The following SLC9A9 variants were observed in gnomAD, a reference collection of about 807,000 sequenced individuals.
The protein encoded by SLC9A9 is solute carrier family 9 member A9, also known as sodium/hydrogen exchanger 9.
In SLC9A9, 62 loss-of-function variants were observed where a neutral mutation model predicts 77.8. That is an observed-to-expected ratio of 0.80 (90% CI 0.65 to 0.98). The LOEUF (loss-of-function observed/expected upper bound fraction) is 0.98, where lower values mean the gene tolerates loss of function less well. Ranked by LOEUF, SLC9A9 falls within the 50% of genes least tolerant of loss-of-function variation. The probability of loss-of-function intolerance (pLI) is 0.00; values close to 1 mark genes in which losing one functional copy is unlikely to be tolerated. For missense variants in SLC9A9, 775 were observed against 774.9 expected (o/e 1.00, Z 0.00); for synonymous variants, 320 against 283.5 (o/e 1.13, Z -1.29).
chr3:143,847,403 A>G (rs907470973), intron 1 of SLC9A9, among the ~76,000 whole-genome samples: 33 of 152,118 alleles, frequency 2.2e-4, no homozygotes, highest in African/African-American at 7.7e-4. Flanking sequence ...ACTTTATTAA[A>G]CTTTCTGAAA....
chr3:143,685,677 A>G (rs935518), intron 5 of SLC9A9, among the ~76,000 whole-genome samples: 147,672 of 152,272 alleles, frequency 0.97, 71,644 homozygotes, highest in East Asian at 1. Context: ...TGTCAGTTCC[A>G]TAAATACCAG....
chr3:143,745,514 T>C (rs2108820073), intron 4 of SLC9A9, among the ~76,000 whole-genome samples: 1 of 152,346 alleles, frequency 6.6e-6, no homozygotes, highest in Admixed American at 6.5e-5. Context: ...TCATCCTTCA[T>C]GAAAACTTTA....
rs563273728 is a variant in SLC9A9 at position 143,721,692 on chromosome 3, T to A, written c.534-28385A>T. Among the ~76,000 whole-genome samples, 55 of 152,186 alleles carry A rather than the reference T, an allele frequency of 3.6e-4. No homozygotes were observed. The South Asian group carries it at 0.011, about 31-fold the overall frequency. On this transcript the variant is annotated intron_variant, in intron 4 of 15. Transcript: ENST00000316549. ...AGCAGCCACGTCTTTACAGAGTCCC[T>A]CACACGAGCCTCGGGCAGAAGTGAC...
intron 11 of SLC9A9, 134 bp from the exon 12 acceptor site, chr3:143,467,324 A>G: frequency 9.6e-7 from 1 of 1,038,644 alleles, no homozygotes; most frequent in Non-Finnish European, 1.4e-6. Flanking sequence ...ATAGATTCAT[A>G]AAGAGTTGTA....
chr3:143,304,978 T>A (rs1475443194), intron 14 of SLC9A9, among the ~76,000 whole-genome samples: 1 of 152,194 alleles, frequency 6.6e-6, no homozygotes, highest in Non-Finnish European at 1.5e-5. Context: ...GAATAATAAC[T>A]CTGGAGAGTA....
At chr3:143,286,961 C>A (rs1357895316) in intron 14 of SLC9A9, among the ~76,000 whole-genome samples, 2 of 152,200 alleles carry the variant, frequency 1.3e-5, no homozygotes, top group African/African-American at 4.8e-5. Context: ...TGTGCGTCAG[C>A]AAAACTCTCC....
At chr3:143,386,468 G>A (rs1161844266) in intron 12 of SLC9A9, among the ~76,000 whole-genome samples, 1 of 152,176 alleles carries the variant, frequency 6.6e-6, no homozygotes, top group Non-Finnish European at 1.5e-5. Context: ...CACTCACTCT[G>A]TCTCCATCTT....
rs561297974 is a variant in SLC9A9 at position 143,418,381 on chromosome 3, C to T, written c.1470-36267G>A. ...ACAGTGTTGGCTCTTTTTTGCTGCC[C>T]TTCTCCCTCAAGTTCATCGCAGGTG... On this transcript the variant is annotated intron_variant, in intron 12 of 15. Coordinates refer to ENST00000316549, the MANE Select transcript of SLC9A9 (RefSeq NM_173653.4). 4.6e-5 allele frequency among the ~76,000 whole-genome samples: 7 copies of T among 151,758 alleles called. No homozygotes were observed. The East Asian group carries it at 7.8e-4, about 17-fold the overall frequency.
chr3:143,270,610 A>G (rs1937870638), intron 14 of SLC9A9, among the ~76,000 whole-genome samples: 1 of 152,148 alleles, frequency 6.6e-6, no homozygotes, highest in South Asian at 2.1e-4. Flanking sequence ...AATCCAGCCA[A>G]TTTTATTTCC....
At position 143,765,891 on chromosome 3, in the gene SLC9A9, T is replaced by C. The variant is rs1026990494; in HGVS notation, c.533+29110A>G. ...CTTAAGCAGAAGCCTAAAAAAGCCT[T>C]GTAAATTTTTGCTGTTTCTGTCACA... On this transcript the variant is annotated intron_variant, in intron 4 of 15. Transcript: ENST00000316549. 3.4e-4 allele frequency among the ~76,000 whole-genome samples: 51 copies of C among 152,174 alleles called. 2 individuals carry two copies. The highest frequency in any genetic ancestry group is 1.5e-5 in the Non-Finnish European group (1 of 68,042).
intron 4 of SLC9A9, among the ~76,000 whole-genome samples, chr3:143,733,434 A>T (rs1001230132): frequency 1.8e-4 from 28 of 152,086 alleles, no homozygotes; most frequent in Admixed American, 1.6e-3. Flanking sequence ...GAATGGGAAG[A>T]TAAAGGCCAC....
intron 4 of SLC9A9, among the ~76,000 whole-genome samples, chr3:143,727,115 A>G (rs569233627): frequency 6.6e-6 from 1 of 152,224 alleles, no homozygotes; most frequent in Non-Finnish European, 1.5e-5. Flanking sequence ...CGACAAAAAG[A>G]GAACAAACTT....
chr3:143,571,232 G>A (rs2037253789), intron 8 of SLC9A9, among the ~76,000 whole-genome samples: 1 of 152,044 alleles, frequency 6.6e-6, no homozygotes, highest in Admixed American at 6.6e-5. Flanking sequence ...CACGATTGCT[G>A]GTTACCTCTG....
At chr3:143,502,747 C>T (rs538303439) in intron 9 of SLC9A9, among the ~76,000 whole-genome samples, 7 of 152,044 alleles carry the variant, frequency 4.6e-5, no homozygotes, top group East Asian at 3.9e-4. Flanking sequence ...TCGTTGAAAC[C>T]GAGATGTTAA....
intron 11 of SLC9A9, among the ~76,000 whole-genome samples, chr3:143,471,986 A>G (rs1401203461): frequency 1.3e-5 from 2 of 152,252 alleles, no homozygotes; most frequent in African/African-American, 2.4e-5. Flanking sequence ...TCAAAGGGCA[A>G]AAGTGAAGCC....
chr3:143,516,941 T>G (rs2036211406), intron 9 of SLC9A9, among the ~76,000 whole-genome samples: 1 of 152,188 alleles, frequency 6.6e-6, no homozygotes, highest in African/African-American at 2.4e-5. Context: ...AACTTGAAAT[T>G]TTTTTCAGTC....
chr3:143,623,783 A>G (rs911782186), intron 6 of SLC9A9, among the ~76,000 whole-genome samples: 2 of 152,220 alleles, frequency 1.3e-5, no homozygotes, highest in African/African-American at 2.4e-5. Context: ...ACTGAAGGAA[A>G]TAGAGACACA....
In SLC9A9 at chr3:143,493,636, T is replaced by A. The variant is rs757326877; in HGVS notation, c.1315+17A>T. 1 of 1,599,784 alleles carries A rather than the reference T, an allele frequency of 6.3e-7. No homozygotes were observed. Among genetic ancestry groups the A allele is most frequent in the Non-Finnish European group, 8.6e-7 (1 of 1,167,148 alleles). On this transcript the variant is annotated intron_variant, in intron 11 of 15. Transcript: ENST00000316549. ...TGAGAAAACCAGCAGCACTAACATA[T>A]AACATAGTTCACATACCTGAAAACA... is the stretch of plus-strand genomic sequence containing the variant.
intron 14 of SLC9A9, among the ~76,000 whole-genome samples, chr3:143,291,514 GTC>G (rs1559854712): frequency 6.6e-6 from 1 of 152,140 alleles, no homozygotes; most frequent in Non-Finnish European, 1.5e-5. Context: ...CATGGGTTCT[GTC>G]TCTCCACCCG....
Sources: allele counts gnomAD v4.1 joint callset (sites outside exome capture counted in the v4.1 genomes callset), GRCh38; gene constraint gnomAD v4.1.1; transcripts MANE v1.5; gene names NCBI Gene and HGNC (gene_info 2026-07-23, HGNC 2026-07-21).